The following REPS1 variants were observed in gnomAD, a reference collection of about 807,000 sequenced individuals.
REPS1 encodes ralBP1-associated Eps domain-containing protein 1.
Under a neutral mutation model 100.9 loss-of-function variants are expected in REPS1, and 39 were observed. That is an observed-to-expected ratio of 0.39 (90% CI 0.30 to 0.50). The LOEUF (loss-of-function observed/expected upper bound fraction) is 0.50, where lower values mean the gene tolerates loss of function less well. REPS1 is among the 20% of genes least tolerant of loss of function. The probability of loss-of-function intolerance (pLI) is 0.86; values close to 1 mark genes in which losing one functional copy is unlikely to be tolerated. For missense variants in REPS1, 821 were observed against 968.5 expected (o/e 0.85, Z 2.02); for synonymous variants, 324 against 340.3 (o/e 0.95, Z 0.53).
Position 138,947,035 on chromosome 6 carries a change from G to GCTCTCTCTCTCT in REPS1, c.277+743_277+754dup, listed in dbSNP as rs10581264. ...TAAATGTCTGTGGCTATTCCCCCTT[G>GCTCTCTCTCTCT]CTCTCTCTCTCTCTCTCTCTCTCTC... On this transcript the variant is annotated intron_variant, in intron 2 of 19. Coordinates refer to ENST00000450536, the MANE Select transcript of REPS1 (RefSeq NM_001286611.2). Among the ~76,000 whole-genome samples, 391 of 137,694 alleles carry GCTCTCTCTCTCT rather than the reference G, an allele frequency of 2.8e-3. 4 individuals are homozygous for GCTCTCTCTCTCT. Among genetic ancestry groups the GCTCTCTCTCTCT allele is most frequent in the South Asian group, 6.6e-3 (26 of 3,920 alleles). The allele number at this position is 137,694 out of a possible 152,430, so 90.3% of individuals were successfully genotyped here. A position where few individuals can be genotyped will look rare whatever the true frequency, so the allele number is the denominator to read the frequency against.
chr6:138,975,183 C>T (rs547724653), intron 1 of REPS1, among the ~76,000 whole-genome samples: 6 of 152,240 alleles, frequency 3.9e-5, no homozygotes, highest in African/African-American at 1.4e-4. Flanking sequence ...AAATCCACCA[C>T]ATTATCTTCT....
At chr6:138,972,236 A>C (rs1184460289) in intron 1 of REPS1, among the ~76,000 whole-genome samples, 1 of 152,214 alleles carries the variant, frequency 6.6e-6, no homozygotes, top group Non-Finnish European at 1.5e-5. Flanking sequence ...AGGGGGGCGG[A>C]ATAAGCACGA....
At chr6:138,907,397 C>A in intron 19 of REPS1, 98 bp downstream of exon 19, 1 of 657,088 alleles carries the variant, frequency 1.5e-6, no homozygotes, top group Non-Finnish European at 2.6e-6. Flanking sequence ...AGAAGAGAAC[C>A]ATATATGTGA....
chr6:138,978,095 GT>G (rs60642515), intron 1 of REPS1, among the ~76,000 whole-genome samples: 23 of 144,220 alleles, frequency 1.6e-4, no homozygotes, highest in Non-Finnish European at 2.5e-4. Context: ...CTTTCGCCCA[GT>G]TTTTTTTTTT....
rs370905009 is a variant in REPS1, at chr6:138,951,508, A to C, written c.154-3595T>G. Among the ~76,000 whole-genome samples, 3 of 152,292 alleles carry C rather than the reference A, an allele frequency of 2.0e-5. 1 individual carries two copies. On this transcript the variant is annotated intron_variant, in intron 1 of 19. Transcript: ENST00000450536. ...ATTACTTTTTCAAATAATATTTATA[A>C]AATATTTTAACCACAATCTTAGAAC...
chr6:138,945,839 A>C (rs1782577686), intron 2 of REPS1, 142 bp from the exon 3 acceptor site: 2 of 633,142 alleles, frequency 3.2e-6, no homozygotes, highest in East Asian at 6.1e-5. Flanking sequence ...TCACCACAAA[A>C]TTTGGACCAC....
At chr6:138,958,832 T>C (rs545862583) in intron 1 of REPS1, among the ~76,000 whole-genome samples, 64 of 152,222 alleles carry the variant, frequency 4.2e-4, no homozygotes, top group Non-Finnish European at 7.8e-4. Context: ...TTGTATGCCA[T>C]AGGCTTAAAA....
chr6:138,987,144 G>T (rs1785309583), intron 1 of REPS1, among the ~76,000 whole-genome samples: 1 of 151,952 alleles, frequency 6.6e-6, no homozygotes, highest in Admixed American at 6.6e-5. Flanking sequence ...AAACCATTTT[G>T]CCCATACTGA....
chr6:138,979,749 A>G (rs1279163948), intron 1 of REPS1, among the ~76,000 whole-genome samples: 1 of 152,204 alleles, frequency 6.6e-6, no homozygotes, highest in Non-Finnish European at 1.5e-5. Flanking sequence ...CGTCCTTCCA[A>G]GAAGCCTTCC....
intron 8 of REPS1, among the ~76,000 whole-genome samples, chr6:138,936,833 C>A (rs1040470736): frequency 1.3e-5 from 2 of 152,056 alleles, no homozygotes; most frequent in African/African-American, 4.8e-5. Flanking sequence ...AGAAAACAAC[C>A]CCAAAATCCA....
intron 1 of REPS1, among the ~76,000 whole-genome samples, chr6:138,980,219 C>G (rs532934420): frequency 1.3e-5 from 2 of 152,342 alleles, no homozygotes; most frequent in South Asian, 4.1e-4. Flanking sequence ...CCTCGCTAAT[C>G]TAAGCCATTG....
At chr6:138,928,926 A>G (rs1781317548) in intron 9 of REPS1, 1 of 152,190 alleles carries the variant, frequency 6.6e-6, no homozygotes, top group Non-Finnish European at 1.5e-5. Flanking sequence ...GTGATGTTAT[A>G]ATGTCTCAGA....
intron 1 of REPS1, among the ~76,000 whole-genome samples, chr6:138,973,238 T>C (rs1388777360): frequency 2.0e-5 from 3 of 152,144 alleles, no homozygotes; most frequent in African/African-American, 4.8e-5. Flanking sequence ...AAAAAACACA[T>C]GGTATTTTAA....
At chr6:138,916,270 G>GAGTGC (rs2128438172) in intron 13 of REPS1, 1 of 252,754 alleles carries the variant, frequency 4.0e-6, no homozygotes, top group African/African-American at 2.5e-5. Flanking sequence ...GCCCAGGCTG[G>GAGTGC]AGTGCAGTGA....
At chr6:138,940,941 T>C (rs1782208906) in intron 8 of REPS1, among the ~76,000 whole-genome samples, 1 of 152,076 alleles carries the variant, frequency 6.6e-6, no homozygotes, top group Admixed American at 6.5e-5. Context: ...GGTCTAATGA[T>C]GAACCAAGTA....
intron 10 of REPS1, among the ~76,000 whole-genome samples, chr6:138,921,739 G>A (rs368534017): frequency 7.8e-4 from 118 of 151,836 alleles, no homozygotes; most frequent in African/African-American, 2.5e-3. Context: ...CACCATGCCC[G>A]GCTAATTTTT....
chr6:138,905,159 T>C, intron 19 of REPS1, 27 bp from the exon 20 acceptor site: 1 of 1,380,960 alleles, frequency 7.2e-7, no homozygotes. Flanking sequence ...GGCCAAGTTA[T>C]GTTTCAAAGT....
chr6:138,933,679 C>G (rs1781619091), intron 8 of REPS1, among the ~76,000 whole-genome samples: 2 of 151,952 alleles, frequency 1.3e-5, no homozygotes, highest in South Asian at 2.1e-4. Context: ...TAATGCCACC[C>G]CTTTTACAAT....
intron 8 of REPS1, among the ~76,000 whole-genome samples, chr6:138,939,074 T>C (rs927144097): frequency 1.3e-5 from 2 of 152,132 alleles, no homozygotes; most frequent in Non-Finnish European, 2.9e-5. Flanking sequence ...AGACAATTTC[T>C]ATACTCAAAG....
Sources: gnomAD v4.1 joint callset for allele counts (sites outside exome capture counted in the v4.1 genomes callset) on GRCh38, gnomAD v4.1.1 for gene constraint, MANE v1.5 for transcripts, NCBI Gene and HGNC (gene_info 2026-07-23, HGNC 2026-07-21) for gene names.